LRRFIP2: variants seen among roughly 807,000 people sequenced by gnomAD.
LRRFIP2 encodes the protein leucine-rich repeat flightless-interacting protein 2.
A neutral mutation model predicts 125.9 loss-of-function variants in LRRFIP2; 109 were observed. The ratio of observed to expected loss-of-function variants is 0.87; its 90% CI spans 0.74 to 1.01. The LOEUF is 1.01. Ranked by LOEUF, LRRFIP2 falls within the 50% of genes least tolerant of loss-of-function variation. The pLI, the probability that LRRFIP2 is intolerant of heterozygous loss-of-function variation, is 0.00. For missense variants in LRRFIP2, 850 were observed against 862.3 expected (o/e 0.99, Z 0.18); for synonymous variants, 291 against 293.1 (o/e 0.99, Z 0.07).
chr3:37,157,259 A>G (rs1047672177), intron 1 of LRRFIP2, among the ~76,000 whole-genome samples: 2 of 152,210 alleles, frequency 1.3e-5, no homozygotes, highest in Non-Finnish European at 2.9e-5. Context: ...CCTGGGCAAC[A>G]TGGAGAAACC....
chr3:37,095,679 G>C (rs1405443148), intron 16 of LRRFIP2, among the ~76,000 whole-genome samples: 1 of 151,960 alleles, frequency 6.6e-6, no homozygotes, highest in African/African-American at 2.4e-5. Flanking sequence ...TGTTGCCCAG[G>C]CTGGAGTGCA....
rs2148679786 is a variant in LRRFIP2 at position 37,060,178 on chromosome 3, C to A, written c.1750-1268G>T. ...TTTCCACTGGGCCCTCTAGAATTATCAGTCCATCATCAGCAAACACCCTCT... is the reference window on the plus strand; with the variant it reads ...TTTCCACTGGGCCCTCTAGAATTATAAGTCCATCATCAGCAAACACCCTCT... On this transcript the variant is annotated intron_variant, in intron 24 of 27. Transcript: ENST00000336686. The surrounding 1 kb of genome is among the most constrained non-coding windows in gnomAD (Gnocchi z 4.1). 6.6e-6 allele frequency among the ~76,000 whole-genome samples: 1 copy of A among 152,304 alleles called. No individual in the cohort carries two copies. The highest frequency in any genetic ancestry group is 1.9e-4 in the East Asian group (1 of 5,186).
chr3:37,163,045 G>GTC (rs1191121179), intron 1 of LRRFIP2, among the ~76,000 whole-genome samples: 1 of 152,132 alleles, frequency 6.6e-6, no homozygotes, highest in African/African-American at 2.4e-5. Flanking sequence ...GATATTTACC[G>GTC]TAGTATCTTG....
chr3:37,134,828 T>C, intron 2 of LRRFIP2: 1 of 956,436 alleles, frequency 1.0e-6, no homozygotes, highest in Non-Finnish European at 1.7e-6. Context: ...TTCATTTTCC[T>C]ACAGACTGCT....
At chr3:37,167,221 A>C (rs1413018892) in intron 1 of LRRFIP2, among the ~76,000 whole-genome samples, 1 of 151,772 alleles carries the variant, frequency 6.6e-6, no homozygotes, top group Non-Finnish European at 1.5e-5. Flanking sequence ...AAAGAAAGAA[A>C]GAAAGAAAAG....
intron 8 of LRRFIP2, among the ~76,000 whole-genome samples, chr3:37,111,318 A>C (rs986439587): frequency 2.6e-5 from 4 of 152,218 alleles, no homozygotes; most frequent in African/African-American, 9.6e-5. Context: ...GAATGAAAAC[A>C]ATTTATTCTC....
chr3:37,151,938 C>T (rs548259963), intron 1 of LRRFIP2, among the ~76,000 whole-genome samples: 80 of 152,170 alleles, frequency 5.3e-4, no homozygotes, highest in African/African-American at 1.7e-3. Context: ...AGTAGAACTA[C>T]CATTTGATTC....
At chr3:37,158,159 A>AT (rs1226367215) in intron 1 of LRRFIP2, among the ~76,000 whole-genome samples, 3 of 152,192 alleles carry the variant, frequency 2.0e-5, no homozygotes, top group African/African-American at 4.8e-5. Flanking sequence ...ACTTATCCGT[A>AT]TTTTCTGAGA....
At chr3:37,159,088 T>C (rs1002650207) in intron 1 of LRRFIP2, among the ~76,000 whole-genome samples, 1 of 152,224 alleles carries the variant, frequency 6.6e-6, no homozygotes, top group African/African-American at 2.4e-5. Context: ...GATTTATTTT[T>C]ACATTTTCTT....
chr3:37,176,171 A>G (rs1313580170), upstream of LRRFIP2: 1 of 152,344 alleles, frequency 6.6e-6, no homozygotes, highest in Non-Finnish European at 1.5e-5. Context: ...TGGACGACTC[A>G]GTCCTGGGTC....
chr3:37,146,685 T>C (rs1299225730), intron 2 of LRRFIP2, among the ~76,000 whole-genome samples: 4 of 152,254 alleles, frequency 2.6e-5, no homozygotes, highest in Non-Finnish European at 5.9e-5. Context: ...GTGGTGTATA[T>C]GTACCACATT....
chr3:37,148,784 A>C lies in LRRFIP2; in HGVS notation c.90+110T>G, dbSNP rs1339767082. ...GACTAGCTATAACATCTTGCTCATA[A>C]TAAACATCTGAAACTAGTTCAATGA... On this transcript the variant is annotated intron_variant, in intron 2 of 27. Coordinates refer to ENST00000336686, the MANE Select transcript of LRRFIP2 (RefSeq NM_006309.4). 6 of 1,157,134 alleles carry C rather than the reference A, an allele frequency of 5.2e-6. No individual in the cohort carries two copies. The African/African-American group carries it at 9.3e-5, about 18-fold the overall frequency. The allele number at this position is 1,157,134 out of a possible 1,614,324, so 71.7% of individuals were successfully genotyped here. A position where few individuals can be genotyped will look rare whatever the true frequency, so the allele number is the denominator to read the frequency against.
At chr3:37,075,242 C>A in intron 19 of LRRFIP2, 126 bp from the exon 20 acceptor site, 1 of 514,748 alleles carries the variant, frequency 1.9e-6, no homozygotes. Context: ...TTCATAGTAA[C>A]TTAGAAAAAT....
intron 19 of LRRFIP2, among the ~76,000 whole-genome samples, chr3:37,081,792 G>T (rs1470159965): frequency 6.6e-6 from 1 of 151,682 alleles, no homozygotes; most frequent in Non-Finnish European, 1.5e-5. Flanking sequence ...GGAGGCTGAG[G>T]TGGGAGGATC....
chr3:37,149,521 T>A (rs2095954586), intron 1 of LRRFIP2, among the ~76,000 whole-genome samples: 2 of 151,178 alleles, frequency 1.3e-5, no homozygotes, highest in African/African-American at 2.4e-5. Flanking sequence ...TGTCTCAAAA[T>A]AAATAAATAA....
intron 19 of LRRFIP2, among the ~76,000 whole-genome samples, chr3:37,077,467 T>A (rs1163916007): frequency 6.6e-6 from 1 of 152,190 alleles, no homozygotes; most frequent in African/African-American, 2.4e-5. Context: ...GAAATACATA[T>A]ATTTGTACAT....
At chr3:37,122,218 T>G (rs2095084752) in intron 4 of LRRFIP2, among the ~76,000 whole-genome samples, 1 of 152,038 alleles carries the variant, frequency 6.6e-6, no homozygotes, top group East Asian at 1.9e-4. Flanking sequence ...GTTTCCAGCT[T>G]CATCCATGTC....
intron 23 of LRRFIP2, chr3:37,064,090 A>G (rs986146824): frequency 8.9e-6 from 3 of 335,824 alleles, no homozygotes; most frequent in African/African-American, 4.3e-5. Context: ...CCTTGTTTCA[A>G]GCTTTCACTA....
chr3:37,100,031 T>C (rs1356950152), intron 15 of LRRFIP2, among the ~76,000 whole-genome samples: 1 of 152,138 alleles, frequency 6.6e-6, no homozygotes, highest in African/African-American at 2.4e-5. Flanking sequence ...AAGTCCCCTT[T>C]GTATTCCTCT....
Sources: allele counts gnomAD v4.1 joint callset (sites outside exome capture counted in the v4.1 genomes callset), GRCh38; gene constraint gnomAD v4.1.1; non-coding constraint Gnocchi (gnomAD v3.1); transcripts MANE v1.5; gene names NCBI Gene and HGNC (gene_info 2026-07-23, HGNC 2026-07-21).